The following DLG2 variants were observed in gnomAD, a reference collection of about 807,000 sequenced individuals.
DLG2 encodes the protein disks large homolog 2.
In DLG2, 45 loss-of-function variants were observed where a neutral mutation model predicts 132.5. The observed-to-expected ratio is 0.34, with a 90% CI of 0.27 to 0.44. The LOEUF is 0.44. DLG2 is among the 20% of genes least tolerant of loss of function. The probability of loss-of-function intolerance (pLI) is 1.00; values close to 1 mark genes in which losing one functional copy is unlikely to be tolerated. For synonymous variants in DLG2, 424 were observed against 419.6 expected (o/e 1.01, Z -0.13); for missense variants, 1,045 against 1,196.9 (o/e 0.87, Z 1.87).
chr11:84,884,168 C>G (rs780272733), intron 6 of DLG2, among the ~76,000 whole-genome samples: 1 of 152,164 alleles, frequency 6.6e-6, no homozygotes, highest in Non-Finnish European at 1.5e-5. Flanking sequence ...AGGGTGATTT[C>G]TATTGCTGTA....
intron 6 of DLG2, among the ~76,000 whole-genome samples, chr11:84,805,723 G>C (rs933436848): frequency 2.6e-5 from 4 of 152,072 alleles, no homozygotes; most frequent in African/African-American, 9.7e-5. Flanking sequence ...TCATGATTGA[G>C]GCCTCCTCAG....
At chr11:85,369,929 T>C (rs1363641012) in intron 3 of DLG2, among the ~76,000 whole-genome samples, 1 of 152,224 alleles carries the variant, frequency 6.6e-6, no homozygotes, top group Non-Finnish European at 1.5e-5. Flanking sequence ...GACTTTAATC[T>C]TTGAGAAATA....
intron 16 of DLG2, among the ~76,000 whole-genome samples, chr11:83,859,206 C>A (rs562304115): frequency 4.6e-5 from 7 of 152,154 alleles, no homozygotes; most frequent in African/African-American, 1.7e-4. Flanking sequence ...AAAAGATACC[C>A]GAAAATGTGG....
At chr11:85,482,387 T>A (rs1051699867) in intron 3 of DLG2, among the ~76,000 whole-genome samples, 1 of 152,036 alleles carries the variant, frequency 6.6e-6, no homozygotes, top group Non-Finnish European at 1.5e-5. Context: ...GCAAGGCCAG[T>A]CCCCATGGTC....
intron 8 of DLG2, among the ~76,000 whole-genome samples, chr11:84,201,580 CTT>C (rs35796062): frequency 0.046 from 6,092 of 131,694 alleles, 331 homozygotes; most frequent in African/African-American, 0.14. Flanking sequence ...TGGTTCTGGG[CTT>C]TTTTTTTTTT....
At chr11:84,664,915 T>C (rs1307870116) in intron 6 of DLG2, among the ~76,000 whole-genome samples, 2 of 152,264 alleles carry the variant, frequency 1.3e-5, no homozygotes, top group East Asian at 3.9e-4. Context: ...ATTTGGAGTT[T>C]GGCCACGGTA....
At chr11:85,099,933 C>CT (rs1458484910) in intron 6 of DLG2, among the ~76,000 whole-genome samples, 40 of 152,288 alleles carry the variant, frequency 2.6e-4, no homozygotes, top group Middle Eastern at 3.4e-3. Context: ...CTTCTAAAGG[C>CT]TCCTTCATCA....
intron 6 of DLG2, among the ~76,000 whole-genome samples, chr11:84,909,032 C>T (rs1012405591): frequency 2.6e-5 from 4 of 151,864 alleles, no homozygotes; most frequent in Non-Finnish European, 5.9e-5. Context: ...AAAGCTAACT[C>T]TACTTGTTCA....
At chr11:85,535,990 C>T (rs2075552882) in intron 3 of DLG2, among the ~76,000 whole-genome samples, 1 of 151,942 alleles carries the variant, frequency 6.6e-6, no homozygotes, top group Non-Finnish European at 1.5e-5. Context: ...CCAAGGCAGG[C>T]AGATGGCTTG....
chr11:84,459,782 A>T (rs930867024), intron 7 of DLG2, among the ~76,000 whole-genome samples: 1 of 150,606 alleles, frequency 6.6e-6, no homozygotes, highest in Non-Finnish European at 1.5e-5. Flanking sequence ...ACATCTTTTA[A>T]TACTTCTATT....
At chr11:83,481,039 A>T (rs1424490977) in intron 22 of DLG2, among the ~76,000 whole-genome samples, 1 of 152,132 alleles carries the variant, frequency 6.6e-6, no homozygotes, top group Non-Finnish European at 1.5e-5. Flanking sequence ...TATTTTACGA[A>T]TCAGCTCAAT....
chr11:84,260,035 CTGTT>C (rs3042144), intron 7 of DLG2, among the ~76,000 whole-genome samples: 88,688 of 151,516 alleles, frequency 0.59, 26,997 homozygotes, highest in East Asian at 0.73. Flanking sequence ...GTTACCATCT[CTGTT>C]TGATCCTCCT....
intron 6 of DLG2, among the ~76,000 whole-genome samples, chr11:85,039,579 T>C (rs1256975875): frequency 6.6e-6 from 1 of 151,982 alleles, no homozygotes; most frequent in Non-Finnish European, 1.5e-5. Context: ...ATAAGTCATA[T>C]ACATAATAAA....
chr11:84,815,525 T>G (rs1471136367), intron 6 of DLG2, among the ~76,000 whole-genome samples: 1 of 152,106 alleles, frequency 6.6e-6, no homozygotes, highest in South Asian at 2.1e-4. Context: ...AGTAGGTAAA[T>G]CAATATTATT....
At chr11:85,197,995 T>A (rs1448467218) in intron 4 of DLG2, among the ~76,000 whole-genome samples, 1 of 152,172 alleles carries the variant, frequency 6.6e-6, no homozygotes, top group Non-Finnish European at 1.5e-5. Flanking sequence ...TGTAACAAGT[T>A]AATGAAATTA....
intron 7 of DLG2, among the ~76,000 whole-genome samples, chr11:84,481,784 C>T (rs2099138473): frequency 6.6e-6 from 1 of 152,150 alleles, no homozygotes; most frequent in Non-Finnish European, 1.5e-5. Context: ...CCCCATGAAA[C>T]TGCAACAACT....
intron 18 of DLG2, among the ~76,000 whole-genome samples, chr11:83,759,195 G>C (rs1438350581): frequency 6.6e-6 from 1 of 152,192 alleles, no homozygotes; most frequent in Admixed American, 6.5e-5. Context: ...TCAGAAGATA[G>C]AAAGATAGCA....
chr11:84,926,213 A>G (rs557881030), intron 6 of DLG2, among the ~76,000 whole-genome samples: 27 of 152,042 alleles, frequency 1.8e-4, no homozygotes, highest in Non-Finnish European at 3.4e-4. Context: ...AAAGTTAGAA[A>G]AGGTTATTAA....
At chr11:85,196,259 G>C (rs1290153041) in intron 4 of DLG2, among the ~76,000 whole-genome samples, 6 of 152,088 alleles carry the variant, frequency 3.9e-5, no homozygotes, top group African/African-American at 1.4e-4. Flanking sequence ...CACATACTTT[G>C]GAGACTCAAT....
Sources: allele counts gnomAD v4.1 joint callset (sites outside exome capture counted in the v4.1 genomes callset), GRCh38; gene constraint gnomAD v4.1.1; transcripts MANE v1.5; gene names NCBI Gene and HGNC (gene_info 2026-07-23, HGNC 2026-07-21).